Variants in DOCK9 observed in about 807,000 individuals in gnomAD.
The protein encoded by DOCK9 is dedicator of cytokinesis 9.
DOCK9 carries 89 observed loss-of-function variants against 263.3 expected under a neutral mutation model. The observed-to-expected ratio is 0.34, with a 90% CI of 0.28 to 0.40. The LOEUF (loss-of-function observed/expected upper bound fraction) is 0.40, where lower values mean the gene tolerates loss of function less well. Ranked by LOEUF, DOCK9 falls within the 10% of genes least tolerant of loss-of-function variation. The pLI, the probability that DOCK9 is intolerant of heterozygous loss-of-function variation, is 1.00. For synonymous variants in DOCK9, 976 were observed against 973.1 expected, an observed-to-expected ratio of 1.00 and a Z score of -0.06; for missense variants, 2,140 against 2,603.4, an observed-to-expected ratio of 0.82 and a Z score of 3.87.
intron 1 of DOCK9, among the ~76,000 whole-genome samples, chr13:98,988,370 A>G (rs757571322): frequency 2.6e-5 from 4 of 152,264 alleles, no homozygotes; most frequent in Non-Finnish European, 5.9e-5. Flanking sequence ...ACAGTATTCC[A>G]AGTTATTTTC....
At chr13:99,044,478 C>G (rs1481156643) in intron 1 of DOCK9, among the ~76,000 whole-genome samples, 1 of 152,118 alleles carries the variant, frequency 6.6e-6, no homozygotes, top group Non-Finnish European at 1.5e-5. Context: ...GCTGAGCACC[C>G]CAGTCAGACC....
intron 45 of DOCK9, among the ~76,000 whole-genome samples, chr13:98,822,525 T>C (rs903945699): frequency 2.6e-5 from 4 of 152,082 alleles, no homozygotes; most frequent in African/African-American, 9.7e-5. Flanking sequence ...GGTGCCAGGG[T>C]GGTTTCTGCA....
chr13:98,947,996 C>G (rs1431759909), intron 2 of DOCK9, among the ~76,000 whole-genome samples: 1 of 151,974 alleles, frequency 6.6e-6, no homozygotes, highest in African/African-American at 2.4e-5. Context: ...GGGTTTTTTT[C>G]TTTTGGCTCT....
intron 2 of DOCK9, among the ~76,000 whole-genome samples, chr13:98,936,213 C>T (rs1234327757): frequency 6.6e-6 from 1 of 152,050 alleles, no homozygotes; most frequent in Non-Finnish European, 1.5e-5. Context: ...CCTGTCTGAA[C>T]AGCTAGTCAA....
chr13:99,007,671 T>C (rs1883589888), intron 1 of DOCK9, among the ~76,000 whole-genome samples: 1 of 152,202 alleles, frequency 6.6e-6, no homozygotes, highest in Non-Finnish European at 1.5e-5. Context: ...TGTTTAAGAA[T>C]GCTCATGATC....
At chr13:99,001,504 A>T (rs1882294813) in intron 1 of DOCK9, among the ~76,000 whole-genome samples, 2 of 152,202 alleles carry the variant, frequency 1.3e-5, no homozygotes, top group African/African-American at 4.8e-5. Flanking sequence ...CTTGTGTGTT[A>T]GAAGAGGTAG....
intron 1 of DOCK9, among the ~76,000 whole-genome samples, chr13:99,059,034 T>C (rs2041061943): frequency 6.6e-6 from 1 of 152,182 alleles, no homozygotes; most frequent in African/African-American, 2.4e-5. Flanking sequence ...CAGTCTCCTG[T>C]GAGGTCCTCT....
At chr13:98,961,085 G>A (rs982736357) in intron 1 of DOCK9, among the ~76,000 whole-genome samples, 8 of 152,228 alleles carry the variant, frequency 5.3e-5, no homozygotes, top group Non-Finnish European at 8.8e-5. Context: ...GTAGCTCAAC[G>A]TAGTGAGAGG....
intron 18 of DOCK9, among the ~76,000 whole-genome samples, chr13:98,887,143 A>ATATATATATATATATATATATATATTT: frequency 1.0e-5 from 1 of 95,290 alleles, no homozygotes; most frequent in Non-Finnish European, 2.0e-5. Flanking sequence ...ATATATATAT[A>ATATATATATATATATATATATATATTT]TTTTTTTTTT....
At chr13:99,049,040 T>C (rs2142189676) in intron 1 of DOCK9, among the ~76,000 whole-genome samples, 1 of 152,280 alleles carries the variant, frequency 6.6e-6, no homozygotes, top group African/African-American at 2.4e-5. Flanking sequence ...GGAAAGAAAA[T>C]GAATAGTTAA....
At chr13:98,926,110 T>C (rs2052918514) in intron 3 of DOCK9, among the ~76,000 whole-genome samples, 191 bp from the exon 4 acceptor site, 1 of 152,206 alleles carries the variant, frequency 6.6e-6, no homozygotes, top group Non-Finnish European at 1.5e-5. Context: ...CACTGAAACA[T>C]TACCCTTGGG....
intron 34 of DOCK9, among the ~76,000 whole-genome samples, chr13:98,854,326 C>A (rs2093648049): frequency 6.6e-6 from 1 of 150,644 alleles, no homozygotes; most frequent in African/African-American, 2.4e-5. Flanking sequence ...ATTTTTTTAC[C>A]AAATATCAAA....
intron 30 of DOCK9, among the ~76,000 whole-genome samples, chr13:98,865,893 G>A (rs1204388777): frequency 1.3e-5 from 2 of 152,032 alleles, no homozygotes; most frequent in Non-Finnish European, 2.9e-5. Context: ...CAGGGAGGGG[G>A]CTATTTGAGG....
At chr13:98,922,180 C>T in intron 5 of DOCK9, 34 bp from the exon 6 acceptor site, 1 of 1,491,390 alleles carries the variant, frequency 6.7e-7, no homozygotes, top group Non-Finnish European at 9.2e-7. Flanking sequence ...CAGTCAACCT[C>T]CCGTTATTAC....
chr13:98,879,158 A>G (rs1403474415), intron 27 of DOCK9, among the ~76,000 whole-genome samples: 1 of 152,194 alleles, frequency 6.6e-6, no homozygotes, highest in African/African-American at 2.4e-5. Flanking sequence ...CTTTATAGAA[A>G]CTTATCTACC....
At chr13:98,888,891 C>T (rs1354280709) in intron 15 of DOCK9, among the ~76,000 whole-genome samples, 180 bp from the exon 16 acceptor site, 1 of 152,178 alleles carries the variant, frequency 6.6e-6, no homozygotes, top group African/African-American at 2.4e-5. Flanking sequence ...ATATACTTCA[C>T]TCAACCCAAT....
chr13:99,043,243 T>C (rs1206489081), intron 1 of DOCK9, among the ~76,000 whole-genome samples: 1 of 152,236 alleles, frequency 6.6e-6, no homozygotes, highest in East Asian at 1.9e-4. Context: ...AGTAGGACTT[T>C]TAGGCAAAAG....
intron 1 of DOCK9, among the ~76,000 whole-genome samples, chr13:99,025,658 T>C (rs1288781768): frequency 6.6e-6 from 1 of 152,240 alleles, no homozygotes; most frequent in Non-Finnish European, 1.5e-5. Context: ...CTTCAGATGG[T>C]TAAACCCAGG....
upstream of DOCK9, chr13:99,088,302 G>C (rs970306337): frequency 2.0e-5 from 3 of 152,280 alleles, no homozygotes; most frequent in Non-Finnish European, 4.4e-5. Context: ...TCTGTCCTAA[G>C]AGTGGAGCTG....
Sources: allele counts gnomAD v4.1 joint callset (sites outside exome capture counted in the v4.1 genomes callset), GRCh38; gene constraint gnomAD v4.1.1; transcripts MANE v1.5; gene names NCBI Gene and HGNC (gene_info 2026-07-23, HGNC 2026-07-21).